The following SEMA6D variants were observed in gnomAD, a reference collection of about 807,000 sequenced individuals.
SEMA6D encodes the protein semaphorin 6D.
In SEMA6D, 35 loss-of-function variants were observed where a neutral mutation model predicts 106.6. The observed-to-expected ratio is 0.33, with a 90% confidence interval of 0.25 to 0.44. The LOEUF is 0.44. Among genes scored for constraint, SEMA6D ranks in the 20% least tolerant of loss-of-function variants. The pLI is 1.00. For missense variants in SEMA6D, 1,185 were observed against 1,345.9 expected (o/e 0.88, Z 1.87); for synonymous variants, 499 against 487.7 (o/e 1.02, Z -0.31).
At chr15:47,262,556 C>T (rs1034180509) in intron 1 of SEMA6D, among the ~76,000 whole-genome samples, 5 of 151,920 alleles carry the variant, frequency 3.3e-5, no homozygotes, top group African/African-American at 1.2e-4. Context: ...GGGAAATGGC[C>T]CTCATGATTC....
chr15:47,415,407 T>C (rs1296154379), intron 2 of SEMA6D, among the ~76,000 whole-genome samples: 3 of 152,106 alleles, frequency 2.0e-5, no homozygotes, highest in African/African-American at 7.2e-5. Flanking sequence ...GACTGATCCT[T>C]GTGGTAAAGC....
chr15:47,530,737 T>C (rs1291428326), intron 3 of SEMA6D, among the ~76,000 whole-genome samples: 1 of 151,898 alleles, frequency 6.6e-6, no homozygotes, highest in African/African-American at 2.4e-5. Context: ...AGAGAAAGAG[T>C]GTGGGTCCGA....
chr15:47,272,150 G>GA (rs2034587609), intron 1 of SEMA6D, among the ~76,000 whole-genome samples: 1 of 152,168 alleles, frequency 6.6e-6, no homozygotes, highest in Non-Finnish European at 1.5e-5. Flanking sequence ...GAGAAAAATG[G>GA]AAAAGTTAGT....
At chr15:47,657,719 C>CTCTTTTTTTTTTTTTT (rs2077825586) in intron 4 of SEMA6D, among the ~76,000 whole-genome samples, 1 of 54,654 alleles carries the variant, frequency 1.8e-5, no homozygotes. Flanking sequence ...GGCTTCATTT[C>CTCTTTTTTTTTTTTTT]TTTTTTTTTT....
intron 4 of SEMA6D, among the ~76,000 whole-genome samples, chr15:47,679,748 A>C (rs564019610): frequency 9.4e-4 from 143 of 152,326 alleles, no homozygotes; most frequent in African/African-American, 3.3e-3. Context: ...AAATAAGCAC[A>C]ATGCCCATCA....
Position 47,463,606 on chromosome 15 carries a change from G to A in SEMA6D, c.-158-6868G>A, listed in dbSNP as rs534189450. 6.6e-5 allele frequency among the ~76,000 whole-genome samples: 10 copies of A among 152,286 alleles called. No individual in the cohort carries two copies. The East Asian group carries it at 7.7e-4, about 12-fold the overall frequency. On this transcript the variant is annotated intron_variant, in intron 2 of 19. Transcript: ENST00000558014. ...TTGATAGTATGTCGGGGGAATCCCC[G>A]TGGGGCCCAAAGGGAACACACCTTA...
At chr15:47,617,641 C>T (rs6493285) in intron 4 of SEMA6D, among the ~76,000 whole-genome samples, 18,001 of 152,130 alleles carry the variant, frequency 0.12, 1,970 homozygotes, top group African/African-American at 0.29. Flanking sequence ...ACATTTAGCA[C>T]GGTTTCTAAA....
intron 1 of SEMA6D, among the ~76,000 whole-genome samples, chr15:47,303,609 A>G (rs2036108047): frequency 6.6e-6 from 1 of 152,200 alleles, no homozygotes; most frequent in Admixed American, 6.5e-5. Context: ...TTATATGGGC[A>G]GGATTTTCAT....
At position 47,453,451 on chromosome 15, in the gene SEMA6D, G is replaced by A. The variant is rs376890402; in HGVS notation, c.-158-17023G>A. ...TATGACAACAGCTATTAAAATGATA[G>A]CTATTACATTTTACAAATCAGCTAT... On this transcript the variant is annotated intron_variant, in intron 2 of 19. Transcript: ENST00000558014. Among the ~76,000 whole-genome samples the A allele has an allele frequency of 1.1e-4, 16 of 152,048 alleles. No homozygotes were observed. In the East Asian group the frequency reaches 1.7e-3, roughly 17 times the overall value.
chr15:47,673,963 T>C (rs2078189926), intron 4 of SEMA6D, among the ~76,000 whole-genome samples: 1 of 152,200 alleles, frequency 6.6e-6, no homozygotes, highest in Non-Finnish European at 1.5e-5. Flanking sequence ...GCTTCTTATG[T>C]CATTGTCTCC....
chr15:47,248,955 C>T (rs117884763), intron 1 of SEMA6D, among the ~76,000 whole-genome samples: 3,569 of 152,220 alleles, frequency 0.023, 55 homozygotes, highest in Middle Eastern at 0.051. Flanking sequence ...AGGCCAGGCA[C>T]GGTGGCTCAC....
intron 1 of SEMA6D, among the ~76,000 whole-genome samples, chr15:47,321,205 A>G (rs1481214111): frequency 6.6e-6 from 1 of 152,204 alleles, no homozygotes; most frequent in African/African-American, 2.4e-5. Context: ...GGTAAAGAGT[A>G]TCTGGTACAG....
At chr15:47,228,615 C>T (rs1387305759) in intron 1 of SEMA6D, among the ~76,000 whole-genome samples, 3 of 151,980 alleles carry the variant, frequency 2.0e-5, no homozygotes, top group Non-Finnish European at 4.4e-5. Context: ...AGGGCTTTGA[C>T]ATATTTGAGT....
intron 1 of SEMA6D, among the ~76,000 whole-genome samples, chr15:47,728,184 T>G (rs2079885372): frequency 6.6e-6 from 1 of 152,182 alleles, no homozygotes; most frequent in Admixed American, 6.5e-5. Context: ...CTGAGTTACC[T>G]AAGGAAAGCA....
chr15:47,268,038 A>G (rs191156841), intron 1 of SEMA6D, among the ~76,000 whole-genome samples: 3 of 152,248 alleles, frequency 2.0e-5, no homozygotes, highest in African/African-American at 4.8e-5. Context: ...CTGGAAGCTT[A>G]TTAGGAATAC....
chr15:47,387,630 A>T (rs2039885409), intron 1 of SEMA6D, among the ~76,000 whole-genome samples: 2 of 152,264 alleles, frequency 1.3e-5, no homozygotes, highest in South Asian at 4.1e-4. Context: ...TTCAGGTAAC[A>T]GTTACATCAG....
chr15:47,609,119 A>G (rs750850685), intron 4 of SEMA6D, among the ~76,000 whole-genome samples: 10 of 152,210 alleles, frequency 6.6e-5, no homozygotes, highest in Non-Finnish European at 1.3e-4. Flanking sequence ...TGGGACATTT[A>G]AGTGACCATA....
intron 1 of SEMA6D, among the ~76,000 whole-genome samples, chr15:47,721,989 A>G (rs2079448610): frequency 6.6e-6 from 1 of 152,058 alleles, no homozygotes; most frequent in South Asian, 2.1e-4. Context: ...TTTTTCTTCT[A>G]TACCACTGGC....
intron 1 of SEMA6D, among the ~76,000 whole-genome samples, chr15:47,218,800 G>A (rs2030917055): frequency 6.6e-6 from 1 of 152,152 alleles, no homozygotes; most frequent in Non-Finnish European, 1.5e-5. Context: ...AGTAACTCTA[G>A]GAGGCAAATA....
Sources: allele counts gnomAD v4.1 joint callset (sites outside exome capture counted in the v4.1 genomes callset), GRCh38; gene constraint gnomAD v4.1.1; transcripts MANE v1.5; gene names NCBI Gene and HGNC (gene_info 2026-07-23, HGNC 2026-07-21).